Variants in ETV5 observed in about 807,000 individuals in gnomAD.
ETV5 encodes the protein ETS variant transcription factor 5.
Under a neutral mutation model 70.0 loss-of-function variants are expected in ETV5, and 10 were observed. The observed-to-expected ratio is 0.14, with a 90% CI of 0.09 to 0.24. The LOEUF is 0.24. Ranked by LOEUF, ETV5 falls within the 10% of genes least tolerant of loss-of-function variation. The pLI, the probability that ETV5 is intolerant of heterozygous loss-of-function variation, is 1.00. For synonymous variants in ETV5, 216 were observed against 242.2 expected (o/e 0.89, Z 1.01); for missense variants, 453 against 651.2 (o/e 0.70, Z 3.31).
rs778838937 is a variant in ETV5 at position 186,065,820 on chromosome 3, G to A, written c.903C>T (p.Val301=). 5 of 1,614,082 alleles carry A rather than the reference G, an allele frequency of 3.1e-6. No homozygotes were observed. The highest frequency in any genetic ancestry group is 2.2e-5 in the East Asian group (1 of 44,890). The change falls in exon 8 of 13, where the codon GTC becomes GTT. Residue 301 remains valine (V), a synonymous_variant. Coordinates refer to ENST00000306376, the MANE Select transcript of ETV5 (RefSeq NM_004454.3). Reference sequence around the variant, plus strand: ...GCACAATTTGATGCTGACCTGAATCGACGCAGTAATCCCGAGGCTCCTGCT... The same window carrying A: ...GCACAATTTGATGCTGACCTGAATCAACGCAGTAATCCCGAGGCTCCTGCT... ...GIKQEPRDYC[V]DSEVPNCQSS...
At chr3:186,051,988 A>G in intron 12 of ETV5, 42 bp downstream of exon 12, 1 of 1,598,992 alleles carries the variant, frequency 6.3e-7, no homozygotes, top group Non-Finnish European at 8.6e-7. Flanking sequence ...TTTTTCCTTA[A>G]AAGAGACCAG....
In ETV5 at chr3:186,105,250, G is replaced by A; in HGVS notation, c.232+55C>T. 1.4e-6 allele frequency: 2 copies of A among 1,478,466 alleles called. No individual in the cohort carries two copies. The highest frequency in any genetic ancestry group is 1.9e-6 in the Non-Finnish European group (2 of 1,072,594). The allele number at this position is 1,478,466 out of a possible 1,614,324, so 91.6% of individuals were successfully genotyped here. A position where few individuals can be genotyped will look rare whatever the true frequency, so the allele number is the denominator to read the frequency against. On this transcript the variant is annotated intron_variant, in intron 5 of 12. Coordinates refer to ENST00000306376, the MANE Select transcript of ETV5 (RefSeq NM_004454.3). The surrounding 1 kb of genome is among the most constrained non-coding windows in gnomAD (Gnocchi z 4.5). ...AAAAAAGCATATTCTAGACATGGATGATCTAAGACCAAACAATTTCAGAAC... is the reference window on the plus strand; with the variant it reads ...AAAAAAGCATATTCTAGACATGGATAATCTAAGACCAAACAATTTCAGAAC...
At chr3:186,103,750 A>G (rs1486523197) in intron 5 of ETV5, among the ~76,000 whole-genome samples, 1 of 152,208 alleles carries the variant, frequency 6.6e-6, no homozygotes, top group African/African-American at 2.4e-5. Flanking sequence ...ATTAACATGC[A>G]TTTACTCTCC....
chr3:186,101,595 C>A (rs1044042760), intron 5 of ETV5, among the ~76,000 whole-genome samples: 1 of 152,308 alleles, frequency 6.6e-6, no homozygotes, highest in Non-Finnish European at 1.5e-5. Flanking sequence ...CCAGAGGCCT[C>A]CCAGATGCTT....
chr3:186,060,638 T>A (rs559911966), intron 9 of ETV5, among the ~76,000 whole-genome samples: 2 of 152,190 alleles, frequency 1.3e-5, no homozygotes, highest in Non-Finnish European at 2.9e-5. Flanking sequence ...CAAGCCTGTA[T>A]AAGGATAGGA....
intron 11 of ETV5, among the ~76,000 whole-genome samples, chr3:186,055,389 G>A (rs1713134963): frequency 2.0e-5 from 3 of 152,194 alleles, no homozygotes; most frequent in Non-Finnish European, 2.9e-5. Flanking sequence ...ATGGGTCGGC[G>A]TGGGGTGGAT....
intron 7 of ETV5, among the ~76,000 whole-genome samples, chr3:186,073,474 G>C (rs1264349435): frequency 6.6e-6 from 1 of 152,214 alleles, no homozygotes; most frequent in Non-Finnish European, 1.5e-5. Context: ...CACAGCAGCA[G>C]AGCGGCGATT....
At chr3:186,080,247 G>A (rs1247056495) in intron 6 of ETV5, 143 bp from the exon 7 acceptor site, 1 of 578,996 alleles carries the variant, frequency 1.7e-6, no homozygotes, top group African/African-American at 2.0e-5. Flanking sequence ...GTAGCCCCGA[G>A]GGGATATTTG....
intron 5 of ETV5, among the ~76,000 whole-genome samples, chr3:186,093,067 G>A (rs1714219968): frequency 6.6e-6 from 1 of 152,116 alleles, no homozygotes; most frequent in Non-Finnish European, 1.5e-5. Context: ...CTGGAATGTG[G>A]GCTATATGAG....
chr3:186,093,458 T>C (rs1465874634), intron 5 of ETV5, among the ~76,000 whole-genome samples: 1 of 152,172 alleles, frequency 6.6e-6, no homozygotes, highest in Non-Finnish European at 1.5e-5. Flanking sequence ...CAGCAAACAA[T>C]TGCCTCCTTC....
chr3:186,049,270 T>G (rs1712963812), intron 12 of ETV5, among the ~76,000 whole-genome samples: 1 of 152,208 alleles, frequency 6.6e-6, no homozygotes, highest in South Asian at 2.1e-4. Flanking sequence ...GGCCTTGTTA[T>G]TTAGAAAGGT....
At chr3:186,094,897 A>G (rs1432088703) in intron 5 of ETV5, among the ~76,000 whole-genome samples, 3 of 152,134 alleles carry the variant, frequency 2.0e-5, no homozygotes, top group Non-Finnish European at 2.9e-5. Context: ...TCTGACTTCT[A>G]ATGCACCGCC....
chr3:186,052,235 A>G lies in ETV5; in HGVS notation c.1210-104T>C. 9.9e-7 allele frequency: 1 copy of G among 1,014,102 alleles called. No homozygotes were observed. The highest frequency in any genetic ancestry group is 1.5e-6 in the Non-Finnish European group (1 of 656,248). 62.8% of individuals were successfully genotyped at this position (1,014,102 alleles called of 1,614,324 possible). On this transcript the variant is annotated intron_variant, in intron 11 of 12. Coordinates refer to ENST00000306376, the MANE Select transcript of ETV5 (RefSeq NM_004454.3). The surrounding 1 kb of genome is among the most constrained non-coding windows in gnomAD (Gnocchi z 4.5). ...GTTCTGTAACCTGACTGCTTTGGTCAATGATCTGCTACTCTGACCTGGAAG... is the reference window on the plus strand; with the variant it reads ...GTTCTGTAACCTGACTGCTTTGGTCGATGATCTGCTACTCTGACCTGGAAG...
chr3:186,101,679 C>A (rs141915539), intron 5 of ETV5, among the ~76,000 whole-genome samples: 4 of 152,270 alleles, frequency 2.6e-5, no homozygotes, highest in African/African-American at 9.6e-5. Flanking sequence ...TACTCCCTGG[C>A]TCTGCAGCTT....
At position 186,068,479 on chromosome 3, in the gene ETV5, T is replaced by G. The variant is rs201002881; in HGVS notation, c.651-2407A>C. 7.3e-5 allele frequency among the ~76,000 whole-genome samples: 11 copies of G among 149,948 alleles called. No individual in the cohort carries two copies. In the East Asian group the frequency reaches 2.8e-3, roughly 38 times the overall value. On this transcript the variant is annotated intron_variant, in intron 7 of 12. Coordinates refer to ENST00000306376, the MANE Select transcript of ETV5 (RefSeq NM_004454.3). ...CTATAGTTTGATAATAAATATGCACTGTTTTTTAACAAGATAGAATAAAAA... is the reference window on the plus strand; with the variant it reads ...CTATAGTTTGATAATAAATATGCACGGTTTTTTAACAAGATAGAATAAAAA...
chr3:186,072,864 G>T (rs550191632), intron 7 of ETV5, among the ~76,000 whole-genome samples: 1 of 152,222 alleles, frequency 6.6e-6, no homozygotes, highest in South Asian at 2.1e-4. Context: ...GCTGGGCGTG[G>T]TGGTGCACAC....
chr3:186,048,208 CT>C lies in ETV5; in HGVS notation c.*430del. ...TCCCCAACTTAGCCTACTTACTTTT[CT>C]ATGGGTTTGTGATTTTTCAACAAAT... is the stretch of plus-strand genomic sequence containing the variant. On this transcript the variant is annotated 3_prime_UTR_variant, in exon 13 of 13. Coordinates refer to ENST00000306376, the MANE Select transcript of ETV5 (RefSeq NM_004454.3). The C allele has an allele frequency of 4.0e-6, 1 of 249,786 alleles. No individual in the cohort carries two copies. The highest frequency in any genetic ancestry group is 5.8e-5 in the East Asian group (1 of 17,198). The allele number at this position is 249,786 out of a possible 1,614,324, so 15.5% of individuals were successfully genotyped here.
chr3:186,057,449 G>A lies in ETV5; in HGVS notation c.1013C>T (p.Thr338Ile). Residue 338 changes from threonine to isoleucine, a missense_variant, in exon 10 of 13, where the codon ACT becomes ATT. Transcript: ENST00000306376. The surrounding 1 kb of genome is among the most constrained non-coding windows in gnomAD (Gnocchi z 4.9). ...TTCCAGTCTCTCAGGCACAACACAA[G>A]TGTCGTCAAAGTATAATCGGGGATC... ...EKDPRLYFDD[T>I]CVVPERLEGK... The A allele has an allele frequency of 1.2e-6, 2 of 1,614,152 alleles. No homozygotes were observed. Among genetic ancestry groups the A allele is most frequent in the Non-Finnish European group, 1.7e-6 (2 of 1,179,998 alleles).
intron 7 of ETV5, among the ~76,000 whole-genome samples, chr3:186,069,551 A>T (rs1713548423): frequency 6.6e-6 from 1 of 151,518 alleles, no homozygotes. Context: ...CTTAAAAAAA[A>T]GTCTTGCTCT....
Sources: allele counts gnomAD v4.1 joint callset (sites outside exome capture counted in the v4.1 genomes callset), GRCh38; gene constraint gnomAD v4.1.1; non-coding constraint Gnocchi (gnomAD v3.1); transcripts MANE v1.5; gene names NCBI Gene and HGNC (gene_info 2026-07-23, HGNC 2026-07-21).